The following SMOC2 variants were observed in gnomAD, a reference collection of about 807,000 sequenced individuals.
The protein encoded by SMOC2 is SPARC-related modular calcium-binding protein 2.
SMOC2 carries 39 observed loss-of-function variants against 61.4 expected under a neutral mutation model. The observed-to-expected ratio is 0.64, with a 90% CI of 0.49 to 0.83. The LOEUF (loss-of-function observed/expected upper bound fraction) is 0.83. SMOC2 is among the 40% of genes least tolerant of loss of function. The pLI is 0.00. For missense variants in SMOC2, 556 were observed against 592.9 expected, an observed-to-expected ratio of 0.94 and a Z score of 0.65; for synonymous variants, 247 against 239.9, an observed-to-expected ratio of 1.03 and a Z score of -0.27.
At chr6:168,451,350 T>G (rs1442984609) in intron 1 of SMOC2, among the ~76,000 whole-genome samples, 1 of 152,246 alleles carries the variant, frequency 6.6e-6, no homozygotes, top group African/African-American at 2.4e-5. Context: ...GCATGTTTTC[T>G]GCCTCATTCT....
intron 9 of SMOC2, among the ~76,000 whole-genome samples, chr6:168,645,490 C>T (rs1289579406): frequency 1.3e-5 from 2 of 152,192 alleles, no homozygotes; most frequent in African/African-American, 4.8e-5. Flanking sequence ...AGTTCCTCTC[C>T]TCGGGCCTTT....
chr6:168,510,124 C>T (rs1782972638), intron 2 of SMOC2, 38 bp downstream of exon 2: 1 of 1,570,502 alleles, frequency 6.4e-7, no homozygotes, highest in South Asian at 1.1e-5. Flanking sequence ...AAGATGGGTA[C>T]ATCCATCATC....
intron 7 of SMOC2, among the ~76,000 whole-genome samples, chr6:168,582,091 C>G (rs1784932889): frequency 6.6e-6 from 1 of 152,232 alleles, no homozygotes; most frequent in African/African-American, 2.4e-5. Flanking sequence ...TGGAGACTTT[C>G]TCTCAACACA....
chr6:168,494,971 C>T (rs1263865065), intron 1 of SMOC2, among the ~76,000 whole-genome samples: 4 of 152,192 alleles, frequency 2.6e-5, no homozygotes, highest in East Asian at 1.9e-4. Context: ...TCACCTCGCT[C>T]GGCCTTGCCC....
chr6:168,473,041 T>C (rs1474821611), intron 1 of SMOC2, among the ~76,000 whole-genome samples: 2 of 152,164 alleles, frequency 1.3e-5, no homozygotes, highest in East Asian at 3.9e-4. Context: ...TGCAAAATCC[T>C]TTGTCCTTTG....
intron 10 of SMOC2, among the ~76,000 whole-genome samples, chr6:168,651,779 G>A (rs561335550): frequency 2.0e-5 from 3 of 152,164 alleles, no homozygotes; most frequent in Non-Finnish European, 2.9e-5. Flanking sequence ...AGGGGCTCAC[G>A]CCTGTAATCC....
intron 7 of SMOC2, among the ~76,000 whole-genome samples, chr6:168,584,827 G>A (rs1372870854): frequency 6.6e-6 from 1 of 152,174 alleles, no homozygotes; most frequent in Non-Finnish European, 1.5e-5. Context: ...TTTGCCCAGT[G>A]CTGGTGCTCA....
intron 9 of SMOC2, among the ~76,000 whole-genome samples, chr6:168,643,717 T>G (rs958592039): frequency 1.3e-5 from 2 of 152,208 alleles, no homozygotes; most frequent in African/African-American, 4.8e-5. Flanking sequence ...CTCCTGCCTC[T>G]ACCCCCCAGC....
chr6:168,594,069 T>C (rs1427646658), intron 7 of SMOC2, among the ~76,000 whole-genome samples: 3 of 72,568 alleles, frequency 4.1e-5, no homozygotes, highest in Non-Finnish European at 6.4e-5. Flanking sequence ...GGCATCTTTC[T>C]AGAGGATCGC....
At chr6:168,581,136 C>T (rs1221282751) in intron 7 of SMOC2, among the ~76,000 whole-genome samples, 1 of 152,108 alleles carries the variant, frequency 6.6e-6, no homozygotes, top group Non-Finnish European at 1.5e-5. Flanking sequence ...CCTCCCCCTG[C>T]CCCCACACCT....
intron 1 of SMOC2, among the ~76,000 whole-genome samples, chr6:168,456,690 C>T (rs1048941344): frequency 1.2e-4 from 19 of 152,310 alleles, no homozygotes; most frequent in African/African-American, 3.8e-4. Context: ...CTCAGAGAAG[C>T]CTCCTTACAT....
At chr6:168,532,389 A>C (rs930859605) in intron 4 of SMOC2, among the ~76,000 whole-genome samples, 1 of 152,098 alleles carries the variant, frequency 6.6e-6, no homozygotes, top group African/African-American at 2.4e-5. Flanking sequence ...TTTCTTCTGT[A>C]GGGATTTTCT....
At chr6:168,655,780 G>A (rs1038819732) in intron 11 of SMOC2, among the ~76,000 whole-genome samples, 1 of 152,226 alleles carries the variant, frequency 6.6e-6, no homozygotes, top group African/African-American at 2.4e-5. Context: ...CTGCACATGT[G>A]TGCCAGATTC....
At chr6:168,632,038 C>T (rs1489898843) in intron 9 of SMOC2, among the ~76,000 whole-genome samples, 1 of 152,206 alleles carries the variant, frequency 6.6e-6, no homozygotes, top group Non-Finnish European at 1.5e-5. Flanking sequence ...CACGTGAGCT[C>T]CGTTCCCCTC....
intron 7 of SMOC2, among the ~76,000 whole-genome samples, chr6:168,587,528 A>G (rs1449809414): frequency 3.9e-5 from 6 of 152,226 alleles, no homozygotes; most frequent in Non-Finnish European, 5.9e-5. Flanking sequence ...AAATGGTTGC[A>G]TTCTTTTGAG....
intron 7 of SMOC2, among the ~76,000 whole-genome samples, chr6:168,579,319 C>T (rs1784874739): frequency 6.6e-6 from 1 of 152,248 alleles, no homozygotes; most frequent in South Asian, 2.1e-4. Flanking sequence ...AAGTGGCCCC[C>T]TCTGGCTATT....
intron 7 of SMOC2, among the ~76,000 whole-genome samples, chr6:168,550,362 A>G (rs1380622895): frequency 6.6e-6 from 1 of 152,180 alleles, no homozygotes; most frequent in Non-Finnish European, 1.5e-5. Context: ...GGTATATTAA[A>G]GTTCAGGAGA....
At chr6:168,590,778 T>A (rs1036162841) in intron 7 of SMOC2, among the ~76,000 whole-genome samples, 1 of 152,218 alleles carries the variant, frequency 6.6e-6, no homozygotes, top group Non-Finnish European at 1.5e-5. Context: ...TGTTCATAAA[T>A]GTCTGGCAGC....
At chr6:168,654,040 A>T (rs571914477) in intron 11 of SMOC2, among the ~76,000 whole-genome samples, 23 of 40,684 alleles carry the variant, frequency 5.7e-4, no homozygotes, top group African/African-American at 2.4e-3. Context: ...CTCCAACCAG[A>T]TGTTAGGAAC....
Sources: allele counts gnomAD v4.1 joint callset (sites outside exome capture counted in the v4.1 genomes callset), GRCh38; gene constraint gnomAD v4.1.1; transcripts MANE v1.5; gene names NCBI Gene and HGNC (gene_info 2026-07-23, HGNC 2026-07-21).